The following CDH13 variants were observed in gnomAD, a reference collection of about 807,000 sequenced individuals.
CDH13 encodes cadherin-13.
A neutral mutation model predicts 63.8 loss-of-function variants in CDH13; 24 were observed. That is an observed-to-expected ratio of 0.38 (90% CI 0.27 to 0.53). The LOEUF (loss-of-function observed/expected upper bound fraction) is 0.53. Ranked by LOEUF, CDH13 falls within the 20% of genes least tolerant of loss-of-function variation. The pLI, the probability that CDH13 is intolerant of heterozygous loss-of-function variation, is 0.85. For missense variants in CDH13, 1,049 were observed against 903.1 expected (o/e 1.16, Z -2.07); for synonymous variants, 503 against 355.3 (o/e 1.42, Z -4.67).
At chr16:82,811,446 T>G (rs2037440546) in intron 1 of CDH13, among the ~76,000 whole-genome samples, 1 of 152,168 alleles carries the variant, frequency 6.6e-6, no homozygotes, top group Admixed American at 6.5e-5. Flanking sequence ...TTTCCCACAA[T>G]TGAAATGTGA....
chr16:83,404,484 G>T (rs992394156), intron 6 of CDH13, among the ~76,000 whole-genome samples: 3 of 152,198 alleles, frequency 2.0e-5, no homozygotes, highest in African/African-American at 7.2e-5. Flanking sequence ...TAAGTGATGC[G>T]TGCAAAATAC....
At chr16:82,665,571 T>G (rs1912487576) in intron 1 of CDH13, among the ~76,000 whole-genome samples, 1 of 152,234 alleles carries the variant, frequency 6.6e-6, no homozygotes, top group South Asian at 2.1e-4. Context: ...TGATTTATGA[T>G]GAGATTTTAT....
intron 4 of CDH13, among the ~76,000 whole-genome samples, chr16:83,189,651 C>T (rs2151753374): frequency 6.6e-6 from 1 of 152,298 alleles, no homozygotes; most frequent in Admixed American, 6.5e-5. Flanking sequence ...GCGTGGTAGC[C>T]TGATCTTCTC....
chr16:82,697,543 C>G (rs2030470562), intron 1 of CDH13, among the ~76,000 whole-genome samples: 1 of 149,754 alleles, frequency 6.7e-6, no homozygotes, highest in Admixed American at 6.7e-5. Flanking sequence ...ATTCTTCTGC[C>G]TCAGCCTCCT....
rs186713448 is a variant in CDH13 at position 83,264,610 on chromosome 16, A to G, written c.636+47113A>G. On this transcript the variant is annotated intron_variant, in intron 5 of 13. Coordinates refer to ENST00000567109, the MANE Select transcript of CDH13 (RefSeq NM_001257.5). ...TATATATGCCCTTTAAGACTAATGC[A>G]ATAACTTTTAAGGTTCTTTTTGATT... 3.3e-3 allele frequency among the ~76,000 whole-genome samples: 494 copies of G among 151,884 alleles called. 3 individuals carry two copies. Among genetic ancestry groups the G allele is most frequent in the Non-Finnish European group, 5.6e-3 (380 of 67,938 alleles).
intron 2 of CDH13, among the ~76,000 whole-genome samples, chr16:82,962,395 C>T (rs1412343422): frequency 6.6e-6 from 1 of 152,156 alleles, no homozygotes; most frequent in African/African-American, 2.4e-5. Flanking sequence ...TTCTGGCCTC[C>T]AGAGGTATGA....
At position 83,796,210 on chromosome 16, in the gene CDH13, C is replaced by T. The variant is rs1904280330; in HGVS notation, c.*1180C>T. 1 of 152,248 alleles carries T rather than the reference C, an allele frequency of 6.6e-6. No homozygotes were observed. Among genetic ancestry groups the T allele is most frequent in the South Asian group, 2.1e-4 (1 of 4,824 alleles). The allele number at this position is 152,248 out of a possible 1,614,324, so 9.4% of individuals were successfully genotyped here. A position where few individuals can be genotyped will look rare whatever the true frequency, so the allele number is the denominator to read the frequency against. On this transcript the variant is annotated 3_prime_UTR_variant, in exon 14 of 14. Transcript: ENST00000567109. ...AAGTTAGTGCTTGTTCTAAGATTAC[C>T]TTCTTGTTGATAAACCATAAATGAA...
intron 3 of CDH13, among the ~76,000 whole-genome samples, chr16:83,049,401 C>A (rs1210045337): frequency 7.4e-6 from 1 of 135,220 alleles, no homozygotes; most frequent in Non-Finnish European, 1.5e-5. Flanking sequence ...GTGGTGCGAT[C>A]TCTATTCACT....
intron 2 of CDH13, among the ~76,000 whole-genome samples, chr16:83,025,634 A>G (rs1195290787): frequency 6.6e-6 from 1 of 152,154 alleles, no homozygotes; most frequent in African/African-American, 2.4e-5. Flanking sequence ...CAGCCAAACC[A>G]TATCAGGTGG....
intron 3 of CDH13, among the ~76,000 whole-genome samples, chr16:83,094,591 G>T (rs1391259111): frequency 6.6e-6 from 1 of 152,152 alleles, no homozygotes; most frequent in Non-Finnish European, 1.5e-5. Context: ...TTCAGCAGAA[G>T]GCAAGGCCTC....
At chr16:83,532,723 C>T (rs1245989281) in intron 7 of CDH13, among the ~76,000 whole-genome samples, 2 of 152,330 alleles carry the variant, frequency 1.3e-5, no homozygotes, top group Non-Finnish European at 2.9e-5. Context: ...AATCATTGGC[C>T]ATCTGCCTGA....
intron 5 of CDH13, among the ~76,000 whole-genome samples, chr16:83,328,251 G>A (rs1157703046): frequency 3.9e-5 from 6 of 152,178 alleles, no homozygotes; most frequent in Admixed American, 3.9e-4. Flanking sequence ...TCCATGCTTG[G>A]AATCTCAGCT....
chr16:83,169,186 T>TTTTC (rs1211947378), intron 4 of CDH13, among the ~76,000 whole-genome samples: 1 of 100,236 alleles, frequency 1.0e-5, no homozygotes, highest in African/African-American at 3.9e-5. Flanking sequence ...TTAGGTTTCC[T>TTTTC]TTTTTTTTTG....
chr16:83,579,473 AAGAG>A (rs1330654073), intron 7 of CDH13, among the ~76,000 whole-genome samples: 2 of 151,978 alleles, frequency 1.3e-5, no homozygotes, highest in African/African-American at 4.8e-5. Context: ...GAGAAGGAGG[AAGAG>A]AGAGAAGGGG....
At chr16:83,183,157 C>G (rs1055244738) in intron 4 of CDH13, among the ~76,000 whole-genome samples, 2 of 152,062 alleles carry the variant, frequency 1.3e-5, no homozygotes, top group African/African-American at 4.8e-5. Flanking sequence ...TGTATTTCAA[C>G]CTGATAAAAG....
intron 10 of CDH13, among the ~76,000 whole-genome samples, chr16:83,707,396 T>G (rs898224470): frequency 6.6e-6 from 1 of 152,204 alleles, no homozygotes; most frequent in African/African-American, 2.4e-5. Context: ...TATCCAAACA[T>G]TTCCAAACAC....
chr16:82,915,338 A>G (rs1001292021), intron 2 of CDH13, among the ~76,000 whole-genome samples: 1 of 152,182 alleles, frequency 6.6e-6, no homozygotes, highest in South Asian at 2.1e-4. Flanking sequence ...TTCTCTGGGT[A>G]CGTCTTACAG....
chr16:83,146,287 C>T (rs533217549), intron 4 of CDH13, among the ~76,000 whole-genome samples: 1 of 152,062 alleles, frequency 6.6e-6, no homozygotes, highest in South Asian at 2.1e-4. Context: ...GGGATAGCAA[C>T]TGCAGAGGCC....
chr16:83,043,479 CTG>C (rs887333897), intron 3 of CDH13, among the ~76,000 whole-genome samples: 2 of 142,470 alleles, frequency 1.4e-5, no homozygotes, highest in East Asian at 2.1e-4. Context: ...TATATAATAA[CTG>C]TATATATGAG....
Sources: gnomAD v4.1 joint callset for allele counts (sites outside exome capture counted in the v4.1 genomes callset) on GRCh38, gnomAD v4.1.1 for gene constraint, MANE v1.5 for transcripts, NCBI Gene and HGNC (gene_info 2026-07-23, HGNC 2026-07-21) for gene names.